Variants in SEMA5A observed in about 807,000 individuals in gnomAD.
The protein encoded by SEMA5A is semaphorin 5A, also known as semaphorin-5A.
SEMA5A carries 55 observed loss-of-function variants against 135.5 expected under a neutral mutation model. The ratio of observed to expected loss-of-function variants is 0.41; its 90% CI spans 0.33 to 0.51. SEMA5A has a LOEUF of 0.51. SEMA5A is among the 20% of genes least tolerant of loss of function. The pLI, the probability that SEMA5A is intolerant of heterozygous loss-of-function variation, is 0.37. For synonymous variants in SEMA5A, 580 were observed against 546.5 expected (o/e 1.06, Z -0.85); for missense variants, 1,290 against 1,419.9 (o/e 0.91, Z 1.47).
intron 2 of SEMA5A, among the ~76,000 whole-genome samples, chr5:9,384,559 GATAGATAGATAC>G (rs1561207501): frequency 0.012 from 1,481 of 123,578 alleles, 58 homozygotes; most frequent in Middle Eastern, 0.018. Context: ...TAGATAGATA[GATAGATAGATAC>G]ATAGATAGAT....
At chr5:9,091,154 A>G (rs1739011463) in intron 16 of SEMA5A, among the ~76,000 whole-genome samples, 1 of 152,218 alleles carries the variant, frequency 6.6e-6, no homozygotes, top group Non-Finnish European at 1.5e-5. Context: ...TGCTAAAGCA[A>G]CAAATGGAAG....
chr5:9,306,047 CT>C (rs1751853359), intron 5 of SEMA5A, among the ~76,000 whole-genome samples: 1 of 152,176 alleles, frequency 6.6e-6, no homozygotes, highest in South Asian at 2.1e-4. Context: ...AAGGTTATGT[CT>C]TTTTCTGTTA....
At chr5:9,164,121 ATAT>A (rs1743464893) in intron 11 of SEMA5A, among the ~76,000 whole-genome samples, 5 of 112,430 alleles carry the variant, frequency 4.4e-5, no homozygotes, top group Admixed American at 1.0e-4. Context: ...AATTATAAAT[ATAT>A]CATATAAATA....
intron 5 of SEMA5A, among the ~76,000 whole-genome samples, chr5:9,244,835 T>C (rs1439390001): frequency 6.6e-6 from 1 of 152,176 alleles, no homozygotes; most frequent in Admixed American, 6.5e-5. Context: ...TGCACCTCTG[T>C]GGCAAAAACA....
rs1024750444 is a variant in SEMA5A, at chr5:9,052,083, C to A, written c.2690-55G>T. 20 of 1,474,592 alleles carry A rather than the reference C, an allele frequency of 1.4e-5. No homozygotes were observed. In the Admixed American group the frequency reaches 5.3e-4, roughly 39 times the overall value. The allele number at this position is 1,474,592 out of a possible 1,614,324, so 91.3% of individuals were successfully genotyped here. The stretch of plus-strand genomic sequence containing the variant: ...CGGAATGGCCAGTAAGCTCAATCAT[C>A]CTAGACTCACTGGCAAGTTACATAT... On this transcript the variant is annotated intron_variant, in intron 19 of 22. Coordinates refer to ENST00000382496, the MANE Select transcript of SEMA5A (RefSeq NM_003966.3).
intron 16 of SEMA5A, among the ~76,000 whole-genome samples, chr5:9,082,617 G>C (rs991576794): frequency 1.3e-5 from 2 of 152,116 alleles, no homozygotes; most frequent in African/African-American, 4.8e-5. Context: ...TATAAAATGG[G>C]ATAGAAAGAA....
At chr5:9,293,137 G>T (rs1026310192) in intron 5 of SEMA5A, among the ~76,000 whole-genome samples, 6 of 152,028 alleles carry the variant, frequency 3.9e-5, no homozygotes, top group African/African-American at 1.4e-4. Flanking sequence ...CATTTTTCAG[G>T]TCCATAAATC....
At chr5:9,426,288 G>A (rs924523758) in intron 2 of SEMA5A, among the ~76,000 whole-genome samples, 26 of 151,830 alleles carry the variant, frequency 1.7e-4, no homozygotes, top group African/African-American at 5.8e-4. Flanking sequence ...AGCCTGGCGC[G>A]GTGGCAGGCG....
rs565335707 is a variant in SEMA5A, at chr5:9,391,153, G to A, written c.-77-11130C>T. Among the ~76,000 whole-genome samples the A allele has an allele frequency of 2.6e-5, 4 of 152,196 alleles. No homozygotes were observed. The East Asian group carries it at 5.8e-4, about 22-fold the overall frequency. On this transcript the variant is annotated intron_variant, in intron 2 of 22. Transcript: ENST00000382496. ...TATTCCTACTAACTAACTTCTTGTC[G>A]GGCCTGAAAATGTGTTTTCTTAGAG... is the stretch of plus-strand genomic sequence containing the variant.
chr5:9,137,103 C>A lies in SEMA5A; in HGVS notation c.1482-482G>T, dbSNP rs936574240. On this transcript the variant is annotated intron_variant, in intron 12 of 22. Coordinates refer to ENST00000382496, the MANE Select transcript of SEMA5A (RefSeq NM_003966.3). Reference sequence around the variant, plus strand: ...GGCAGGTTTTATTTACTGTTACCATCACCATAATCATCATCGTTATTACCA... The same window carrying A: ...GGCAGGTTTTATTTACTGTTACCATAACCATAATCATCATCGTTATTACCA... 2.0e-5 allele frequency among the ~76,000 whole-genome samples: 3 copies of A among 152,282 alleles called. No individual in the cohort carries two copies. The South Asian group carries it at 6.2e-4, about 32-fold the overall frequency.
chr5:9,508,730 AT>A lies in SEMA5A; in HGVS notation c.-175+36853del, dbSNP rs1210736146. ...TGCTCTGTGCTCCAGATCCTTCTCT[AT>A]TTTCCCTTCCACAGCCCTCCTGCCA... On this transcript the variant is annotated intron_variant, in intron 1 of 22. Coordinates refer to ENST00000382496, the MANE Select transcript of SEMA5A (RefSeq NM_003966.3). Among the ~76,000 whole-genome samples the A allele has an allele frequency of 5.9e-5, 9 of 151,852 alleles. No individual in the cohort carries two copies. The East Asian group carries it at 1.7e-3, about 29-fold the overall frequency.
intron 11 of SEMA5A, among the ~76,000 whole-genome samples, chr5:9,182,151 C>A (rs1327295004): frequency 8.0e-6 from 1 of 125,658 alleles, no homozygotes; most frequent in East Asian, 2.5e-4. Context: ...TTGCTTCTGC[C>A]CCCCACCCCA....
At chr5:9,063,143 G>C in intron 17 of SEMA5A, 38 bp from the exon 18 acceptor site, 1 of 1,561,250 alleles carries the variant, frequency 6.4e-7, no homozygotes, top group East Asian at 2.3e-5. Flanking sequence ...TCTGTTACAA[G>C]TTTCAGAGGA....
chr5:9,144,139 T>C (rs1014059360), intron 12 of SEMA5A, among the ~76,000 whole-genome samples: 6 of 152,294 alleles, frequency 3.9e-5, no homozygotes, highest in African/African-American at 1.2e-4. Flanking sequence ...ACATTCTCTA[T>C]TCCATAAGTA....
chr5:9,097,177 T>G (rs1739367877), intron 16 of SEMA5A, among the ~76,000 whole-genome samples: 1 of 152,152 alleles, frequency 6.6e-6, no homozygotes, highest in African/African-American at 2.4e-5. Flanking sequence ...GCATTTTGAT[T>G]TAAGCCTCAC....
At position 9,062,987 on chromosome 5, in the gene SEMA5A, G is replaced by C; in HGVS notation, c.2418C>G (p.Asn806Lys). The part of the protein sequence containing the change: ...CSRDCSRGIR[N>K]RKRVCNNPEP... ...CGGGGTTGTTGCAAACACGCTTCCG[G>C]TTCCGAATGCCCCTGCTGCAGTCAC... The change falls in exon 18 of 23, where the codon AAC becomes AAG. Residue 806 changes from asparagine (N) to lysine (K), a missense_variant. This residue lies in a region of SEMA5A where 1,029 missense variants were observed against 1,086.6 expected (regional missense o/e 0.95). Coordinates refer to ENST00000382496, the MANE Select transcript of SEMA5A (RefSeq NM_003966.3). The C allele has an allele frequency of 6.2e-7, 1 of 1,614,204 alleles. No individual in the cohort carries two copies. The highest frequency in any genetic ancestry group is 8.5e-7 in the Non-Finnish European group (1 of 1,180,040).
chr5:9,529,267 C>T (rs979536585), intron 1 of SEMA5A, among the ~76,000 whole-genome samples: 5 of 152,240 alleles, frequency 3.3e-5, no homozygotes, highest in South Asian at 2.1e-4. Context: ...TCACCATTTC[C>T]GCCCTGCATG....
At chr5:9,118,703 A>G (rs1040766587) in intron 15 of SEMA5A, among the ~76,000 whole-genome samples, 1 of 152,134 alleles carries the variant, frequency 6.6e-6, no homozygotes, top group Non-Finnish European at 1.5e-5. Flanking sequence ...ACGTACTTCC[A>G]GAGTCTCCAG....
chr5:9,497,916 A>G (rs1032895919), intron 1 of SEMA5A, among the ~76,000 whole-genome samples: 1 of 152,188 alleles, frequency 6.6e-6, no homozygotes, highest in Non-Finnish European at 1.5e-5. Context: ...AACTTAGTAA[A>G]TTATGTGCAA....
Sources: gnomAD v4.1 joint callset for allele counts (sites outside exome capture counted in the v4.1 genomes callset) on GRCh38, gnomAD v4.1.1 for gene constraint, gnomAD v4.1.1 regional missense constraint, MANE v1.5 for transcripts, NCBI Gene and HGNC (gene_info 2026-07-23, HGNC 2026-07-21) for gene names.